STAB2: variants seen among roughly 807,000 people sequenced by gnomAD.
STAB2 encodes stabilin-2.
Under a neutral mutation model 338.1 loss-of-function variants are expected in STAB2, and 288 were observed. The observed-to-expected ratio is 0.85, with a 90% CI of 0.77 to 0.94. The LOEUF (loss-of-function observed/expected upper bound fraction) is 0.94. Among genes scored for constraint, STAB2 ranks in the 40% least tolerant of loss-of-function variants. The pLI is 0.00. For missense variants in STAB2, 3,141 were observed against 3,210.1 expected, an observed-to-expected ratio of 0.98 and a Z score of 0.52; for synonymous variants, 1,202 against 1,193.3, an observed-to-expected ratio of 1.01 and a Z score of -0.15.
chr12:103,743,086 A>C (rs1882722939), intron 56 of STAB2, among the ~76,000 whole-genome samples: 1 of 147,334 alleles, frequency 6.8e-6, no homozygotes, highest in Non-Finnish European at 1.5e-5. Context: ...GCAATGGCGC[A>C]ATCTCAGCTC....
At chr12:103,739,965 G>A (rs1882454952) in intron 54 of STAB2, among the ~76,000 whole-genome samples, 1 of 152,176 alleles carries the variant, frequency 6.6e-6, no homozygotes, top group Admixed American at 6.5e-5. Context: ...GAGAGCAATG[G>A]AGAGTAATGT....
At chr12:103,608,305 A>AT (rs996562094) in intron 3 of STAB2, among the ~76,000 whole-genome samples, 236 of 150,398 alleles carry the variant, frequency 1.6e-3, no homozygotes, top group African/African-American at 3.9e-3. Context: ...AGCCTAGCTA[A>AT]TTTTTTTTTT....
intron 30 of STAB2, among the ~76,000 whole-genome samples, chr12:103,691,431 C>A (rs992142192): frequency 6.6e-6 from 1 of 152,148 alleles, no homozygotes; most frequent in African/African-American, 2.4e-5. Context: ...GGTCCTATGG[C>A]TTTTTAATAT....
At chr12:103,590,514 C>T (rs1192733440) in intron 1 of STAB2, among the ~76,000 whole-genome samples, 1 of 152,180 alleles carries the variant, frequency 6.6e-6, no homozygotes, top group Non-Finnish European at 1.5e-5. Context: ...GACCAATTGA[C>T]CTTGAATAAC....
intron 6 of STAB2, among the ~76,000 whole-genome samples, chr12:103,634,861 C>T (rs1329594199): frequency 3.3e-5 from 5 of 152,208 alleles, no homozygotes; most frequent in African/African-American, 1.2e-4. Flanking sequence ...TGGAGAGGCA[C>T]CTGCTTATGA....
chr12:103,673,508 C>T (rs1876025046), intron 22 of STAB2, among the ~76,000 whole-genome samples: 1 of 151,830 alleles, frequency 6.6e-6, no homozygotes, highest in Non-Finnish European at 1.5e-5. Context: ...ACCATCATGC[C>T]CGGCTAATTT....
At chr12:103,692,957 C>T in intron 31 of STAB2, 68 bp downstream of exon 31, 1 of 1,317,486 alleles carries the variant, frequency 7.6e-7, no homozygotes, top group East Asian at 2.5e-5. Context: ...TCCTATACAG[C>T]ATTTTTTTTT....
chr12:103,727,304 T>G lies in STAB2; in HGVS notation c.4889T>G (p.Phe1630Cys). ...FVKDLVGPGP[F>C]TVFAPLSAAF... ...AAAGATCTGGTCGGCCCAGGCCCCT[T>G]CACTGTTTTTGCACCTTTATCTGCA... Residue 1630 changes from phenylalanine to cysteine, a missense_variant, in exon 47 of 69, where the codon TTC becomes TGC. Phe to Cys is a radical substitution (Grantham distance 205). Transcript: ENST00000388887. The G allele has an allele frequency of 6.2e-7, 1 of 1,614,276 alleles. No homozygotes were observed. The highest frequency in any genetic ancestry group is 1.3e-5 in the African/African-American group (1 of 75,078).
chr12:103,676,401 T>C (rs1386797294), intron 24 of STAB2, among the ~76,000 whole-genome samples: 2 of 152,318 alleles, frequency 1.3e-5, no homozygotes, highest in African/African-American at 4.8e-5. Flanking sequence ...TGTTTGGGTT[T>C]TTTTAGGAAA....
intron 34 of STAB2, among the ~76,000 whole-genome samples, chr12:103,700,929 C>A (rs1422057951): frequency 6.6e-6 from 1 of 151,310 alleles, no homozygotes; most frequent in East Asian, 1.9e-4. Context: ...ATGTGCCATG[C>A]TGGTGCGCTG....
intron 43 of STAB2, 109 bp from the exon 44 acceptor site, chr12:103,717,661 C>T (rs1360381876): frequency 1.6e-5 from 14 of 848,570 alleles, no homozygotes; most frequent in Non-Finnish European, 2.8e-5. Context: ...AATAGAGACT[C>T]TCCTAACATT....
At chr12:103,743,929 G>T (rs1318329212) in intron 56 of STAB2, among the ~76,000 whole-genome samples, 1 of 152,182 alleles carries the variant, frequency 6.6e-6, no homozygotes, top group Non-Finnish European at 1.5e-5. Context: ...AGCTCTATGT[G>T]TGACAGGAGG....
intron 6 of STAB2, among the ~76,000 whole-genome samples, chr12:103,636,136 T>C (rs1957541652): frequency 6.6e-6 from 1 of 151,966 alleles, no homozygotes; most frequent in African/African-American, 2.4e-5. Flanking sequence ...CATGTTGGTG[T>C]GCTGCACCCA....
At chr12:103,727,221 T>C (rs1268095219) in intron 46 of STAB2, 46 bp from the exon 47 acceptor site, 2 of 1,603,132 alleles carry the variant, frequency 1.2e-6, no homozygotes, top group East Asian at 2.2e-5. Flanking sequence ...CCGGCATGTA[T>C]TGATGTTAAG....
intron 23 of STAB2, 30 bp downstream of exon 23, chr12:103,674,117 A>T: frequency 6.3e-7 from 1 of 1,593,914 alleles, no homozygotes; most frequent in Non-Finnish European, 8.6e-7. Context: ...GCCCTTAATG[A>T]CGCTGAGTCA....
At chr12:103,611,289 G>T (rs1377501947) in intron 3 of STAB2, among the ~76,000 whole-genome samples, 1 of 152,182 alleles carries the variant, frequency 6.6e-6, no homozygotes, top group African/African-American at 2.4e-5. Flanking sequence ...ACAGTGGGGT[G>T]TTAAAGTCTC....
intron 39 of STAB2, among the ~76,000 whole-genome samples, 188 bp downstream of exon 39, chr12:103,708,724 C>A: frequency 6.6e-6 from 1 of 152,012 alleles, no homozygotes. Context: ...CACTCATAAC[C>A]TCAAGGCAGG....
At chr12:103,605,158 C>T (rs1449114950) in intron 3 of STAB2, among the ~76,000 whole-genome samples, 2 of 151,662 alleles carry the variant, frequency 1.3e-5, no homozygotes, top group Non-Finnish European at 3.0e-5. Flanking sequence ...CACATATATT[C>T]CTGCTATTGT....
At position 103,742,475 on chromosome 12, in the gene STAB2, A is replaced by C; in HGVS notation, c.5952A>C (p.Gly1984=). The C allele has an allele frequency of 6.2e-7, 1 of 1,614,038 alleles. No homozygotes were observed. The change falls in exon 56 of 69, where the codon GGA becomes GGC. Residue 1984 remains glycine (G), a synonymous_variant. Coordinates refer to ENST00000388887, the MANE Select transcript of STAB2 (RefSeq NM_017564.10). ...GCCTTGATCAGTACTCGGCCACCGG[A>C]GAGTGTAAATGCAACACCGGCTTCA... ...GVCLDQYSAT[G]ECKCNTGFNG... is the part of the protein sequence containing the mutation.
Sources: allele counts gnomAD v4.1 joint callset (sites outside exome capture counted in the v4.1 genomes callset), GRCh38; gene constraint gnomAD v4.1.1; transcripts MANE v1.5; gene names NCBI Gene and HGNC (gene_info 2026-07-23, HGNC 2026-07-21).